GRIK3: variants seen among roughly 807,000 people sequenced by gnomAD.
GRIK3 encodes the protein glutamate ionotropic receptor kainate type subunit 3.
Under a neutral mutation model 102.5 loss-of-function variants are expected in GRIK3, and 29 were observed. The ratio of observed to expected loss-of-function variants is 0.28; its 90% CI spans 0.21 to 0.39. The LOEUF (loss-of-function observed/expected upper bound fraction) is 0.39, where lower values mean the gene tolerates loss of function less well. Ranked by LOEUF, GRIK3 falls within the 10% of genes least tolerant of loss-of-function variation. The probability of loss-of-function intolerance (pLI) is 1.00; values close to 1 mark genes in which losing one functional copy is unlikely to be tolerated. For missense variants in GRIK3, 908 were observed against 1,252.4 expected, an observed-to-expected ratio of 0.73 and a Z score of 4.15; for synonymous variants, 511 against 504.9, an observed-to-expected ratio of 1.01 and a Z score of -0.16.
intron 1 of GRIK3, among the ~76,000 whole-genome samples, chr1:36,895,811 T>A (rs1310784082): frequency 6.6e-6 from 1 of 151,450 alleles, no homozygotes; most frequent in Non-Finnish European, 1.5e-5. Flanking sequence ...GTCCCCAAAA[T>A]GACACTGAGG....
At chr1:36,986,441 TCCATCCATCCATCCATCCATCAGC>T (rs1642306367) in intron 1 of GRIK3, among the ~76,000 whole-genome samples, 1 of 146,920 alleles carries the variant, frequency 6.8e-6, no homozygotes, top group Non-Finnish European at 1.5e-5. Context: ...CATCCATCCA[TCCATCCATCCATCCATCCATCAGC>T]CCATCCATCC....
At chr1:36,840,064 A>C (rs1478710034) in intron 10 of GRIK3, among the ~76,000 whole-genome samples, 2 of 152,196 alleles carry the variant, frequency 1.3e-5, no homozygotes, top group Non-Finnish European at 2.9e-5. Context: ...CCCTGGGGTC[A>C]GGATGGTTCT....
chr1:36,914,470 C>T (rs1641378160), intron 1 of GRIK3, among the ~76,000 whole-genome samples: 1 of 152,214 alleles, frequency 6.6e-6, no homozygotes, highest in Non-Finnish European at 1.5e-5. Context: ...ATTTCCCAAA[C>T]TTACTTGACA....
chr1:36,878,043 A>T (rs1414880252), intron 3 of GRIK3, among the ~76,000 whole-genome samples: 1 of 152,232 alleles, frequency 6.6e-6, no homozygotes, highest in Non-Finnish European at 1.5e-5. Context: ...GTTTAATTCA[A>T]CTTGATTTCC....
chr1:36,961,853 G>A (rs1033266828), intron 1 of GRIK3, among the ~76,000 whole-genome samples: 12 of 152,192 alleles, frequency 7.9e-5, no homozygotes, highest in Non-Finnish European at 1.5e-4. Context: ...CTAGGTGCGG[G>A]GGACTCAGCA....
chr1:36,936,015 G>A (rs1641653658), intron 1 of GRIK3, among the ~76,000 whole-genome samples: 1 of 152,120 alleles, frequency 6.6e-6, no homozygotes, highest in Non-Finnish European at 1.5e-5. Flanking sequence ...AAGTCTCAGG[G>A]AAAACAGAAA....
intron 1 of GRIK3, among the ~76,000 whole-genome samples, chr1:36,914,161 G>T (rs533150610): frequency 3.3e-5 from 5 of 152,114 alleles, no homozygotes; most frequent in Non-Finnish European, 7.4e-5. Flanking sequence ...TCTCCCTCCC[G>T]CTTGGGAAGA....
At chr1:36,882,702 C>G (rs1301501412) in intron 2 of GRIK3, among the ~76,000 whole-genome samples, 1 of 152,134 alleles carries the variant, frequency 6.6e-6, no homozygotes, top group Non-Finnish European at 1.5e-5. Context: ...GGGGCACCTC[C>G]CTCTTTAAGT....
intron 1 of GRIK3, among the ~76,000 whole-genome samples, chr1:36,921,742 T>G (rs1641475907): frequency 6.6e-6 from 1 of 152,160 alleles, no homozygotes; most frequent in South Asian, 2.1e-4. Context: ...CATAAAATTA[T>G]GTATATTACT....
chr1:36,951,619 T>C (rs762356353), intron 1 of GRIK3, among the ~76,000 whole-genome samples: 1 of 152,222 alleles, frequency 6.6e-6, no homozygotes, highest in Non-Finnish European at 1.5e-5. Context: ...GCCTTGTTTC[T>C]AGGTGACCAG....
chr1:37,016,225 G>A (rs1642650996), intron 1 of GRIK3, among the ~76,000 whole-genome samples: 1 of 152,232 alleles, frequency 6.6e-6, no homozygotes, highest in African/African-American at 2.4e-5. Context: ...AGGGGCAGCT[G>A]CTAGGAATAC....
chr1:36,927,265 T>C (rs1875292), intron 1 of GRIK3, among the ~76,000 whole-genome samples: 151,439 of 152,290 alleles, frequency 0.99, 75,306 homozygotes, highest in East Asian at 1. Flanking sequence ...TCATTTTTGA[T>C]GCAACCTAAT....
At chr1:37,006,091 T>C (rs1642529623) in intron 1 of GRIK3, among the ~76,000 whole-genome samples, 1 of 152,134 alleles carries the variant, frequency 6.6e-6, no homozygotes, top group African/African-American at 2.4e-5. Flanking sequence ...GGGAGTGAGA[T>C]GATACTGACT....
intron 1 of GRIK3, among the ~76,000 whole-genome samples, chr1:36,900,224 C>T (rs1464800602): frequency 6.6e-6 from 1 of 152,180 alleles, no homozygotes; most frequent in Non-Finnish European, 1.5e-5. Context: ...TGGAATTAAA[C>T]TAGAAATCAA....
At chr1:36,996,229 A>C (rs1356801299) in intron 1 of GRIK3, among the ~76,000 whole-genome samples, 4 of 152,246 alleles carry the variant, frequency 2.6e-5, no homozygotes, top group East Asian at 1.9e-4. Flanking sequence ...GCCGCAGGCA[A>C]GTCTGTCTAA....
intron 1 of GRIK3, among the ~76,000 whole-genome samples, chr1:37,027,565 C>T (rs1380332997): frequency 1.3e-5 from 2 of 152,166 alleles, no homozygotes; most frequent in Admixed American, 6.5e-5. Flanking sequence ...ACACCCAGCC[C>T]TGTGCACAGA....
intron 1 of GRIK3, among the ~76,000 whole-genome samples, chr1:37,032,713 G>C (rs1642841255): frequency 6.6e-6 from 1 of 152,202 alleles, no homozygotes; most frequent in African/African-American, 2.4e-5. Flanking sequence ...TGGACCGAAA[G>C]ATCTCAGCGT....
chr1:36,856,538 T>C (rs1384284250), intron 7 of GRIK3, among the ~76,000 whole-genome samples: 5 of 152,140 alleles, frequency 3.3e-5, no homozygotes, highest in Admixed American at 3.3e-4. Flanking sequence ...ACGGGCAAGT[T>C]GGAAATGGTC....
At chr1:36,883,821 C>G (rs1170605733) in intron 2 of GRIK3, among the ~76,000 whole-genome samples, 2 of 152,238 alleles carry the variant, frequency 1.3e-5, no homozygotes, top group African/African-American at 4.8e-5. Flanking sequence ...TTGAATCCAT[C>G]AGAATATGTG....
Sources: gnomAD v4.1 joint callset for allele counts (sites outside exome capture counted in the v4.1 genomes callset) on GRCh38, gnomAD v4.1.1 for gene constraint, MANE v1.5 for transcripts, NCBI Gene and HGNC (gene_info 2026-07-23, HGNC 2026-07-21) for gene names.